PCDHGA6: variants seen among roughly 807,000 people sequenced by gnomAD.
The protein encoded by PCDHGA6 is protocadherin gamma subfamily A, 6.
In PCDHGA6, 41 loss-of-function variants were observed where a neutral mutation model predicts 60.6. That is an observed-to-expected ratio of 0.68 (90% CI 0.53 to 0.88). The LOEUF (loss-of-function observed/expected upper bound fraction) is 0.88, where lower values mean the gene tolerates loss of function less well. Among genes scored for constraint, PCDHGA6 ranks in the 40% least tolerant of loss-of-function variants. PCDHGA6 has a pLI of 0.00. For missense variants in PCDHGA6, 1,312 were observed against 1,203.0 expected (o/e 1.09, Z -1.34); for synonymous variants, 594 against 524.4 (o/e 1.13, Z -1.81).
intron 1 of PCDHGA6, chr5:141,376,828 A>T (rs986272669): frequency 7.4e-6 from 2 of 269,538 alleles, no homozygotes; most frequent in African/African-American, 4.6e-5. Context: ...CTGGGACTAC[A>T]GGCGCCCGCC....
intron 1 of PCDHGA6, chr5:141,408,915 A>T (rs2095192273): frequency 1.2e-6 from 2 of 1,613,004 alleles, no homozygotes; most frequent in South Asian, 2.2e-5. Context: ...ACCAATGATA[A>T]CCCCCCGGTT....
intron 1 of PCDHGA6, among the ~76,000 whole-genome samples, chr5:141,461,733 C>G (rs930217307): frequency 2.0e-5 from 3 of 152,168 alleles, no homozygotes; most frequent in African/African-American, 2.4e-5. Context: ...TGCAGTGGCA[C>G]AATCCCGGCT....
At chr5:141,420,883 C>A (rs992351503) in intron 1 of PCDHGA6, among the ~76,000 whole-genome samples, 1 of 152,216 alleles carries the variant, frequency 6.6e-6, no homozygotes, top group Non-Finnish European at 1.5e-5. Context: ...TATTGTGTAT[C>A]ATCGTTTTTA....
chr5:141,409,259 T>C lies in PCDHGA6; in HGVS notation c.2424+32752T>C, dbSNP rs370130162. ...CCCAGAAATAATCATCACTTCTCTC[T>C]CTGATCAGATTTTGGAGAATTCACC... is the stretch of plus-strand genomic sequence containing the variant. On this transcript the variant is annotated intron_variant, in intron 1 of 3. Coordinates refer to ENST00000517434, the MANE Select transcript of PCDHGA6 (RefSeq NM_018919.3). The C allele has an allele frequency of 1.9e-6, 3 of 1,614,012 alleles. No individual in the cohort carries two copies. Among genetic ancestry groups the C allele is most frequent in the South Asian group, 2.2e-5 (2 of 91,082 alleles).
Position 141,485,813 on chromosome 5 carries a change from G to A in PCDHGA6, c.2425-8994G>A. The A allele has an allele frequency of 1.9e-6, 3 of 1,614,078 alleles. No individual in the cohort carries two copies. Among genetic ancestry groups the A allele is most frequent in the Non-Finnish European group, 2.5e-6 (3 of 1,180,008 alleles). On this transcript the variant is annotated intron_variant, in intron 1 of 3. Coordinates refer to ENST00000517434, the MANE Select transcript of PCDHGA6 (RefSeq NM_018919.3). This position sits in a 1 kb window ranked among gnomAD's most constrained non-coding sequence, Gnocchi z 5.7. ...ATCGGACTACCGCCTGGTGCTGACT[G>A]CTGTCGATGGAGGGAACCCGCCGAG... is the stretch of plus-strand genomic sequence containing the variant.
At chr5:141,405,473 G>A in intron 1 of PCDHGA6, 3 of 1,066,958 alleles carry the variant, frequency 2.8e-6, no homozygotes, top group Non-Finnish European at 4.0e-6. Flanking sequence ...AGGCTGGAAT[G>A]CAGTGGTGTG....
chr5:141,501,381 T>A (rs1261533671), intron 2 of PCDHGA6, among the ~76,000 whole-genome samples: 4 of 151,750 alleles, frequency 2.6e-5, no homozygotes, highest in African/African-American at 9.7e-5. Flanking sequence ...TCTTAAATCC[T>A]AGGTCCTGTC....
chr5:141,485,827 G>A lies in PCDHGA6; in HGVS notation c.2425-8980G>A. 1 of 1,614,154 alleles carries A rather than the reference G, an allele frequency of 6.2e-7. No individual in the cohort carries two copies. The highest frequency in any genetic ancestry group is 1.1e-5 in the South Asian group (1 of 91,080). On this transcript the variant is annotated intron_variant, in intron 1 of 3. Coordinates refer to ENST00000517434, the MANE Select transcript of PCDHGA6 (RefSeq NM_018919.3). The surrounding 1 kb of genome is among the most constrained non-coding windows in gnomAD (Gnocchi z 5.7). Reference sequence around the variant, plus strand: ...TGGTGCTGACTGCTGTCGATGGAGGGAACCCGCCGAGATCTGGCACCGCAG... The same window carrying A: ...TGGTGCTGACTGCTGTCGATGGAGGAAACCCGCCGAGATCTGGCACCGCAG...
At chr5:141,500,192 A>T (rs865941565) in intron 2 of PCDHGA6, among the ~76,000 whole-genome samples, 1 of 110,142 alleles carries the variant, frequency 9.1e-6, no homozygotes, top group Non-Finnish European at 2.0e-5. Context: ...ATTTTTATTT[A>T]TTTATTTATT....
Position 141,403,170 on chromosome 5 carries a change from A to C in PCDHGA6, c.2424+26663A>C. On this transcript the variant is annotated intron_variant, in intron 1 of 3. Transcript: ENST00000517434. ...CGCATCGTCTCTAGAGGTAGGACGC[A>C]GCTTTTCTCTCTGAACCCGCGCAGC... is the stretch of plus-strand genomic sequence containing the variant. 1 of 1,614,048 alleles carries C rather than the reference A, an allele frequency of 6.2e-7. No homozygotes were observed. Among genetic ancestry groups the C allele is most frequent in the East Asian group, 2.2e-5 (1 of 44,886 alleles).
chr5:141,402,908 G>C (rs772824235), intron 1 of PCDHGA6: 1 of 1,545,226 alleles, frequency 6.5e-7, no homozygotes, highest in African/African-American at 1.4e-5. Flanking sequence ...TGATGAAGCA[G>C]CGCGCACAGA....
intron 1 of PCDHGA6, chr5:141,426,709 A>G (rs1259104705): frequency 6.8e-6 from 3 of 443,800 alleles, no homozygotes; most frequent in South Asian, 3.1e-5. Flanking sequence ...TTACAAATCA[A>G]TGAACTAGCA....
At chr5:141,398,273 A>G (rs1223394149) in intron 1 of PCDHGA6, 1 of 1,414,722 alleles carries the variant, frequency 7.1e-7, no homozygotes, top group Non-Finnish European at 9.6e-7. Flanking sequence ...GTAGTGGGGA[A>G]CCTCGCCACG....
In PCDHGA6 at chr5:141,431,457, T is replaced by C; in HGVS notation, c.2424+54950T>C. ...ACCGCGCGCATCCGCGTGATGGTTC[T>C]GGATGCGAACGACAACGCACCAGCG... On this transcript the variant is annotated intron_variant, in intron 1 of 3. Transcript: ENST00000517434. This position sits in a 1 kb window ranked among gnomAD's most constrained non-coding sequence, Gnocchi z 4.8. 6.2e-7 allele frequency: 1 copy of C among 1,613,818 alleles called. No homozygotes were observed. Among genetic ancestry groups the C allele is most frequent in the South Asian group, 1.1e-5 (1 of 91,088 alleles).
intron 1 of PCDHGA6, among the ~76,000 whole-genome samples, chr5:141,438,609 T>TATAC (rs2098013849): frequency 2.4e-5 from 1 of 41,118 alleles, no homozygotes; most frequent in Non-Finnish European, 3.9e-5. Context: ...TATATATATA[T>TATAC]ATATATATAT....
At chr5:141,401,417 G>A (rs1404967672) in intron 1 of PCDHGA6, among the ~76,000 whole-genome samples, 1 of 152,136 alleles carries the variant, frequency 6.6e-6, no homozygotes, top group Non-Finnish European at 1.5e-5. Flanking sequence ...GAAAGAGAGA[G>A]ACTGATTCAC....
rs1284287216 is a variant in PCDHGA6 at position 141,398,423 on chromosome 5, A to C, written c.2424+21916A>C. On this transcript the variant is annotated intron_variant, in intron 1 of 3. Transcript: ENST00000517434. ...GACAGGGAGGAGATATGCGGGAAGA[A>C]GCCAGCTTGTGCTCTGGAATTTGAG... 2.0e-6 allele frequency: 3 copies of C among 1,514,696 alleles called. No individual in the cohort carries two copies. In the South Asian group the frequency reaches 3.4e-5, roughly 17 times the overall value. The allele number at this position is 1,514,696 out of a possible 1,614,324, so 93.8% of individuals were successfully genotyped here.
intron 2 of PCDHGA6, among the ~76,000 whole-genome samples, chr5:141,500,844 T>C (rs190011905): frequency 6.6e-6 from 1 of 152,204 alleles, no homozygotes; most frequent in Non-Finnish European, 1.5e-5. Flanking sequence ...AATGGGCTTT[T>C]GCTACATTAG....
chr5:141,385,348 C>T, intron 1 of PCDHGA6: 1 of 1,557,574 alleles, frequency 6.4e-7, no homozygotes. Context: ...TCCTTTATTT[C>T]CATGAGGAAT....
Sources: gnomAD v4.1 joint callset for allele counts (sites outside exome capture counted in the v4.1 genomes callset) on GRCh38, gnomAD v4.1.1 for gene constraint, Gnocchi (gnomAD v3.1) non-coding constraint, MANE v1.5 for transcripts, NCBI Gene and HGNC (gene_info 2026-07-23, HGNC 2026-07-21) for gene names.